TEX11: variants seen among roughly 807,000 people sequenced by gnomAD.
TEX11 encodes testis-expressed protein 11.
A neutral mutation model predicts 84.4 loss-of-function variants in TEX11; 7 were observed. The observed-to-expected ratio is 0.08, with a 90% confidence interval of 0.05 to 0.16. The LOEUF is 0.16. TEX11 is among the 10% of genes least tolerant of loss of function. The pLI, the probability that TEX11 is intolerant of heterozygous loss-of-function variation, is 1.00. For synonymous variants in TEX11, 264 were observed against 222.8 expected, an observed-to-expected ratio of 1.18 and a Z score of -1.64; for missense variants, 551 against 660.5, an observed-to-expected ratio of 0.83 and a Z score of 1.82.
intron 9 of TEX11, among the ~76,000 whole-genome samples, chrX:70,760,529 T>C (rs1460598745): frequency 9.0e-6 from 1 of 111,427 alleles, no homozygotes; most frequent in African/African-American, 3.3e-5. Flanking sequence ...TATTTAATAA[T>C]TGGTGCTGGG....
intron 28 of TEX11, among the ~76,000 whole-genome samples, chrX:70,537,339 A>G (rs2087973779): frequency 9.0e-6 from 1 of 111,493 alleles, no homozygotes; most frequent in Non-Finnish European, 1.9e-5. Context: ...ACCCACTGAA[A>G]GCTTAACAGA....
chrX:70,584,950 G>T lies in TEX11; in HGVS notation c.2140+6801C>A, dbSNP rs761496330. Among the ~76,000 whole-genome samples, 145 of 111,623 alleles carry T rather than the reference G, an allele frequency of 1.3e-3. 2 individuals carry two copies. Among genetic ancestry groups the T allele is most frequent in the African/African-American group, 4.6e-3 (140 of 30,761 alleles). On this transcript the variant is annotated intron_variant, in intron 25 of 29. Transcript: ENST00000374333. ...GGTGGAAGCTTAGCCCTAAGATCAG[G>T]AACAAGACAAGGATGCCCTCTCTCA...
At chrX:70,538,728 G>A (rs1250763577) in intron 28 of TEX11, among the ~76,000 whole-genome samples, 1 of 110,818 alleles carries the variant, frequency 9.0e-6, no homozygotes, top group African/African-American at 3.3e-5. Context: ...TTATATAGTG[G>A]TATGACCTTG....
chrX:70,731,480 T>C (rs772921652), intron 11 of TEX11, among the ~76,000 whole-genome samples: 71 of 111,105 alleles, frequency 6.4e-4, no homozygotes, highest in Non-Finnish European at 1.0e-3. Context: ...ATATCACCAC[T>C]GATCCCACAG....
intron 4 of TEX11, among the ~76,000 whole-genome samples, chrX:70,871,426 A>T (rs2091629009): frequency 8.9e-6 from 1 of 112,054 alleles, no homozygotes; most frequent in South Asian, 3.7e-4. Context: ...CTTACAAGTC[A>T]TTCATCTACT....
At chrX:70,700,043 G>A (rs776581820) in intron 13 of TEX11, among the ~76,000 whole-genome samples, 4 of 111,444 alleles carry the variant, frequency 3.6e-5, no homozygotes, top group Non-Finnish European at 5.7e-5. Context: ...GCATTGGTAC[G>A]ATGTGTGAAC....
intron 11 of TEX11, among the ~76,000 whole-genome samples, chrX:70,737,403 A>T (rs1197583483): frequency 9.0e-6 from 1 of 111,035 alleles, no homozygotes; most frequent in Non-Finnish European, 1.9e-5. Context: ...TACTTGGGGG[A>T]AAGCAGAAAA....
chrX:70,736,184 C>T (rs972626594), intron 11 of TEX11, among the ~76,000 whole-genome samples: 4 of 111,078 alleles, frequency 3.6e-5, no homozygotes, highest in African/African-American at 6.5e-5. Context: ...TATCTAAGCA[C>T]CTATGCCTTT....
intron 17 of TEX11, among the ~76,000 whole-genome samples, chrX:70,639,201 G>A (rs1333749636): frequency 1.8e-5 from 2 of 111,904 alleles, no homozygotes; most frequent in African/African-American, 3.2e-5. Context: ...TGAATACTGC[G>A]CTTTTCTCAC....
At chrX:70,728,481 C>G (rs1248521647) in intron 11 of TEX11, among the ~76,000 whole-genome samples, 1 of 113,006 alleles carries the variant, frequency 8.8e-6, no homozygotes, top group East Asian at 2.8e-4. Flanking sequence ...TGCGCACTTC[C>G]AACGGTCTTA....
chrX:70,637,413 G>A (rs1489473913), intron 17 of TEX11, among the ~76,000 whole-genome samples: 1 of 112,046 alleles, frequency 8.9e-6, no homozygotes, highest in African/African-American at 3.2e-5. Flanking sequence ...CCCATTACTG[G>A]GTATATACCC....
chrX:70,644,460 G>C (rs1304788415), intron 17 of TEX11, among the ~76,000 whole-genome samples: 1 of 106,746 alleles, frequency 9.4e-6, no homozygotes, highest in African/African-American at 3.4e-5. Flanking sequence ...CTGCTATAAA[G>C]ACACATGCAC....
At chrX:70,874,426 G>T (rs1463876837) in intron 3 of TEX11, among the ~76,000 whole-genome samples, 2 of 65,057 alleles carry the variant, frequency 3.1e-5, no homozygotes, top group African/African-American at 1.2e-4. Context: ...TTTGGAGACA[G>T]AGTCTCATTT....
At chrX:70,670,228 T>A (rs2090010575) in intron 16 of TEX11, 149 bp downstream of exon 16, 1 of 574,292 alleles carries the variant, frequency 1.7e-6, no homozygotes, top group Non-Finnish European at 2.6e-6. Context: ...AGTGTGCAAA[T>A]CAAGAAAATG....
At chrX:70,824,550 T>C (rs1411076441) in intron 8 of TEX11, among the ~76,000 whole-genome samples, 1 of 110,443 alleles carries the variant, frequency 9.1e-6, no homozygotes, top group East Asian at 2.8e-4. Flanking sequence ...CTTTTTTTCC[T>C]CTGCCTGTGT....
chrX:70,758,519 A>G (rs2090884661), intron 9 of TEX11, among the ~76,000 whole-genome samples: 1 of 112,206 alleles, frequency 8.9e-6, no homozygotes, highest in Middle Eastern at 4.6e-3. Context: ...CTGAATGACT[A>G]CTGGGTAAAT....
chrX:70,705,284 T>A (rs2147689426), intron 13 of TEX11, among the ~76,000 whole-genome samples: 1 of 111,853 alleles, frequency 8.9e-6, no homozygotes, highest in South Asian at 3.7e-4. Context: ...TGCAGGCCCT[T>A]TTTTGGTTCC....
At chrX:70,710,785 T>C (rs941959428) in intron 13 of TEX11, among the ~76,000 whole-genome samples, 4 of 111,078 alleles carry the variant, frequency 3.6e-5, no homozygotes, top group Admixed American at 9.6e-5. Context: ...GAGAAAGATA[T>C]AGCAAATTAA....
chrX:70,518,847 A>C, the TEX11 span, among the ~76,000 whole-genome samples: 1 of 112,128 alleles, frequency 8.9e-6, no homozygotes, highest in African/African-American at 3.2e-5. Flanking sequence ...TTCTTGTTGA[A>C]TTGATCCCTT....
Sources: allele counts gnomAD v4.1 joint callset (sites outside exome capture counted in the v4.1 genomes callset), GRCh38; gene constraint gnomAD v4.1.1; transcripts MANE v1.5; gene names NCBI Gene and HGNC (gene_info 2026-07-23, HGNC 2026-07-21).